The following NEMP2 variants were observed in gnomAD, a reference collection of about 807,000 sequenced individuals.
NEMP2 encodes nuclear envelope integral membrane protein 2, also known as UPF0571 transmembrane protein.
NEMP2 carries 53 observed loss-of-function variants against 54.2 expected under a neutral mutation model. The observed-to-expected ratio is 0.98, with a 90% confidence interval of 0.78 to 1.23. The LOEUF is 1.23. Ranked by LOEUF, NEMP2 falls within the 50% of genes most tolerant of loss-of-function variation. NEMP2 has a pLI of 0.00. For synonymous variants in NEMP2, 197 were observed against 190.3 expected (o/e 1.04, Z -0.29); for missense variants, 455 against 511.3 (o/e 0.89, Z 1.06).
Position 190,533,730 on chromosome 2 carries a change from G to A in NEMP2, c.97+829C>T, listed in dbSNP as rs954082264. ...TAGCCAAAGCAAGGAAGGGAAGTTG[G>A]TAGACAGTGCACCCAGGAAATCTTT... On this transcript the variant is annotated intron_variant, in intron 1 of 8. Coordinates refer to ENST00000409150, the MANE Select transcript of NEMP2 (RefSeq NM_001142645.2). The surrounding 1 kb of genome is among the most constrained non-coding windows in gnomAD (Gnocchi z 4.3). Among the ~76,000 whole-genome samples the A allele has an allele frequency of 4.8e-4, 73 of 152,168 alleles. 1 individual carries two copies. The highest frequency in any genetic ancestry group is 1.6e-3 in the African/African-American group (66 of 41,520).
At chr2:190,455,512 T>G in the NEMP2 span, among the ~76,000 whole-genome samples, 1 of 152,162 alleles carries the variant, frequency 6.6e-6, no homozygotes, top group Non-Finnish European at 1.5e-5. Context: ...GCTTCTGCAG[T>G]TTGTTGATCT....
At chr2:190,443,872 T>A in the NEMP2 span, among the ~76,000 whole-genome samples, 5 of 152,112 alleles carry the variant, frequency 3.3e-5, no homozygotes, top group African/African-American at 1.2e-4. The surrounding 1 kb of genome is among the most constrained non-coding windows in gnomAD (Gnocchi z 4.2). Flanking sequence ...CTGGGCAACA[T>A]GGTGAGACCT....
chr2:190,435,460 A>G, the NEMP2 span: 1 of 152,920 alleles, frequency 6.5e-6, no homozygotes, highest in African/African-American at 2.4e-5. Flanking sequence ...GGCTCCAGTG[A>G]GCACTATAGT....
At chr2:190,537,258 G>GA (rs1170701486), upstream of NEMP2, among the ~76,000 whole-genome samples, 4 of 152,306 alleles carry the variant, frequency 2.6e-5, no homozygotes, top group Non-Finnish European at 2.9e-5. Context: ...CATAGCTGAG[G>GA]AAAGAACCGG....
the NEMP2 span, among the ~76,000 whole-genome samples, chr2:190,424,235 CTT>C: frequency 4.3e-4 from 61 of 143,134 alleles, no homozygotes; most frequent in African/African-American, 1.1e-3. This position sits in a 1 kb window ranked among gnomAD's most constrained non-coding sequence, Gnocchi z 5.9. Flanking sequence ...TTTTCTTCTT[CTT>C]TTTTTTTTTT....
the NEMP2 span, among the ~76,000 whole-genome samples, chr2:190,643,640 G>T: frequency 1.3e-5 from 2 of 152,204 alleles, no homozygotes; most frequent in African/African-American, 4.8e-5. Flanking sequence ...GCACTTATTA[G>T]GTACTCGATA....
the NEMP2 span, among the ~76,000 whole-genome samples, chr2:190,449,447 C>G: frequency 1.5e-4 from 23 of 151,894 alleles, no homozygotes; most frequent in Admixed American, 6.6e-5. Flanking sequence ...GCACACCCGC[C>G]TAGGTGACAG....
chr2:190,465,145 T>C, the NEMP2 span, among the ~76,000 whole-genome samples: 1 of 152,340 alleles, frequency 6.6e-6, no homozygotes, highest in South Asian at 2.1e-4. The surrounding 1 kb of genome is among the most constrained non-coding windows in gnomAD (Gnocchi z 4.6). Flanking sequence ...ACAATTTTTT[T>C]CTCCTACTCT....
the NEMP2 span, chr2:190,464,989 T>C: frequency 1.3e-6 from 1 of 777,460 alleles, no homozygotes; most frequent in Middle Eastern, 6.6e-4. Context: ...ACTACACTGT[T>C]AGGAATTACA....
the NEMP2 span, among the ~76,000 whole-genome samples, chr2:190,438,322 C>T: frequency 2.0e-5 from 3 of 152,116 alleles, no homozygotes; most frequent in Non-Finnish European, 4.4e-5. This position sits in a 1 kb window ranked among gnomAD's most constrained non-coding sequence, Gnocchi z 5.2. Flanking sequence ...TCGAGACCAG[C>T]CTGGCCAACA....
At chr2:190,434,288 T>C in the NEMP2 span, among the ~76,000 whole-genome samples, 1 of 152,168 alleles carries the variant, frequency 6.6e-6, no homozygotes, top group East Asian at 1.9e-4. The surrounding 1 kb of genome is among the most constrained non-coding windows in gnomAD (Gnocchi z 4.3). Flanking sequence ...AACATAATTC[T>C]TGATGCACAC....
chr2:190,604,325 G>T, the NEMP2 span, among the ~76,000 whole-genome samples: 2 of 152,154 alleles, frequency 1.3e-5, no homozygotes, highest in South Asian at 4.1e-4. The surrounding 1 kb of genome is among the most constrained non-coding windows in gnomAD (Gnocchi z 4.5). Flanking sequence ...CCTACTTCTG[G>T]GACCTGAAGA....
the NEMP2 span, among the ~76,000 whole-genome samples, chr2:190,613,051 C>T: frequency 6.6e-6 from 1 of 152,250 alleles, no homozygotes; most frequent in African/African-American, 2.4e-5. Context: ...TTTATGAAAA[C>T]TGTGATAGTC....
the NEMP2 span, among the ~76,000 whole-genome samples, chr2:190,584,447 C>T: frequency 1.3e-5 from 2 of 152,164 alleles, no homozygotes; most frequent in African/African-American, 2.4e-5. The surrounding 1 kb of genome is among the most constrained non-coding windows in gnomAD (Gnocchi z 4.2). Flanking sequence ...AGAAATCATA[C>T]TCAGTACAAT....
chr2:190,431,310 G>A, the NEMP2 span, among the ~76,000 whole-genome samples: 55 of 152,284 alleles, frequency 3.6e-4, no homozygotes, highest in East Asian at 1.2e-3. The surrounding 1 kb of genome is among the most constrained non-coding windows in gnomAD (Gnocchi z 4.4). Context: ...GGTGGCGGCC[G>A]GGCAGAGGCT....
chr2:190,613,853 G>A, the NEMP2 span, among the ~76,000 whole-genome samples: 1 of 152,064 alleles, frequency 6.6e-6, no homozygotes, highest in East Asian at 1.9e-4. Flanking sequence ...GCCTCCTAAA[G>A]TGCTGGGATT....
chr2:190,568,776 T>C, the NEMP2 span, among the ~76,000 whole-genome samples: 2 of 152,068 alleles, frequency 1.3e-5, no homozygotes, highest in African/African-American at 4.8e-5. The surrounding 1 kb of genome is among the most constrained non-coding windows in gnomAD (Gnocchi z 4.7). Flanking sequence ...GAGCCGAGAT[T>C]GCGCCATTGC....
At chr2:190,499,208 A>G in the NEMP2 span, among the ~76,000 whole-genome samples, 3 of 152,224 alleles carry the variant, frequency 2.0e-5, no homozygotes, top group Non-Finnish European at 2.9e-5. The surrounding 1 kb of genome is among the most constrained non-coding windows in gnomAD (Gnocchi z 6.0). Context: ...TAGGATTAAT[A>G]AAAACTGGCA....
the NEMP2 span, among the ~76,000 whole-genome samples, chr2:190,644,884 G>T: frequency 1.3e-5 from 2 of 151,956 alleles, no homozygotes; most frequent in African/African-American, 2.4e-5. This position sits in a 1 kb window ranked among gnomAD's most constrained non-coding sequence, Gnocchi z 4.4. Flanking sequence ...ATGTGCCCCA[G>T]AACCTAAAAT....
Sources: allele counts gnomAD v4.1 joint callset (sites outside exome capture counted in the v4.1 genomes callset), GRCh38; gene constraint gnomAD v4.1.1; non-coding constraint Gnocchi (gnomAD v3.1); transcripts MANE v1.5; gene names NCBI Gene and HGNC (gene_info 2026-07-23, HGNC 2026-07-21).